The following TNRC6A variants were observed in gnomAD, a reference collection of about 807,000 sequenced individuals.
TNRC6A encodes trinucleotide repeat-containing gene 6A protein.
Under a neutral mutation model 221.2 loss-of-function variants are expected in TNRC6A, and 44 were observed. The observed-to-expected ratio is 0.20, with a 90% CI of 0.16 to 0.26. The LOEUF (loss-of-function observed/expected upper bound fraction) is 0.26, where lower values mean the gene tolerates loss of function less well. Among genes scored for constraint, TNRC6A ranks in the 10% least tolerant of loss-of-function variants. The pLI is 1.00. For synonymous variants in TNRC6A, 847 were observed against 838.5 expected, an observed-to-expected ratio of 1.01 and a Z score of -0.18; for missense variants, 2,199 against 2,404.4, an observed-to-expected ratio of 0.91 and a Z score of 1.79.
chr16:24,666,874 G>T (rs2055183377), intron 2 of TNRC6A, among the ~76,000 whole-genome samples: 1 of 151,538 alleles, frequency 6.6e-6, no homozygotes, highest in South Asian at 2.1e-4. Flanking sequence ...CCAGCATTTT[G>T]GGAGGCTGAG....
chr16:24,778,280 C>T (rs1425630141), intron 5 of TNRC6A: 22 of 984,940 alleles, frequency 2.2e-5, no homozygotes, highest in East Asian at 1.1e-4. Context: ...CTTTCTATAC[C>T]TGTGCTCTCT....
chr16:24,746,314 A>G (rs984492610), intron 2 of TNRC6A, among the ~76,000 whole-genome samples: 1 of 152,146 alleles, frequency 6.6e-6, no homozygotes, highest in Non-Finnish European at 1.5e-5. Context: ...TAATCCCAGT[A>G]CTTTGGTAGG....
chr16:24,805,814 T>C (rs2058419712), intron 15 of TNRC6A, 81 bp downstream of exon 15: 1 of 1,568,810 alleles, frequency 6.4e-7, no homozygotes, highest in Non-Finnish European at 8.7e-7. Flanking sequence ...GTGCGGGACA[T>C]AGTGCACTAA....
At chr16:24,719,700 G>A (rs2056376490) in intron 2 of TNRC6A, among the ~76,000 whole-genome samples, 1 of 151,908 alleles carries the variant, frequency 6.6e-6, no homozygotes, top group Admixed American at 6.6e-5. Flanking sequence ...AATTAGTTGA[G>A]TGTGGTAGTG....
At chr16:24,632,456 C>T (rs930063692) in intron 1 of TNRC6A, among the ~76,000 whole-genome samples, 7 of 152,158 alleles carry the variant, frequency 4.6e-5, no homozygotes, top group Non-Finnish European at 1.0e-4. Context: ...TAGTCAAGTT[C>T]CTCTGGCCCT....
chr16:24,637,518 A>G (rs575451923), intron 1 of TNRC6A, among the ~76,000 whole-genome samples: 3 of 152,190 alleles, frequency 2.0e-5, no homozygotes, highest in Non-Finnish European at 4.4e-5. Flanking sequence ...AATGTACAAT[A>G]TATTAGATGG....
chr16:24,613,610 C>G lies in TNRC6A; in HGVS notation n.276+3126C>G, dbSNP rs1034321905. Reference sequence around the variant, plus strand: ...TTGTTCGATCTCGGGTCACTGCAACCTCCGCCTCCCAGGTTCAAGCAATTC... The same window carrying G: ...TTGTTCGATCTCGGGTCACTGCAACGTCCGCCTCCCAGGTTCAAGCAATTC... On this transcript the variant is annotated intron_variant and non_coding_transcript_variant, in intron 1 of 2. Coordinates refer to the TNRC6A transcript ENST00000566108. 6.6e-5 allele frequency among the ~76,000 whole-genome samples: 10 copies of G among 151,774 alleles called. 1 individual carries two copies. Among genetic ancestry groups the G allele is most frequent in the Admixed American group, 6.6e-4 (10 of 15,206 alleles).
At chr16:24,819,214 G>T (rs2058715639) in intron 21 of TNRC6A, among the ~76,000 whole-genome samples, 1 of 152,230 alleles carries the variant, frequency 6.6e-6, no homozygotes. Flanking sequence ...CATACCCTGA[G>T]TAGCACTGAC....
At chr16:24,687,857 A>AAGAAGAAGAAGAAGAAGAAGAAGAAGG (rs1567357040) in intron 2 of TNRC6A, among the ~76,000 whole-genome samples, 2 of 150,198 alleles carry the variant, frequency 1.3e-5, no homozygotes, top group African/African-American at 4.9e-5. Flanking sequence ...GAAGAAGAAG[A>AAGAAGAAGAAGAAGAAGAAGAAGAAGG]AGAAGAAGAA....
chr16:24,740,623 A>AT (rs957055387), intron 2 of TNRC6A, among the ~76,000 whole-genome samples: 1 of 151,964 alleles, frequency 6.6e-6, no homozygotes, highest in African/African-American at 2.4e-5. Context: ...AATACAGTAG[A>AT]TTTTTTTTAA....
At chr16:24,670,938 A>G in intron 2 of TNRC6A, 1 of 380,912 alleles carries the variant, frequency 2.6e-6, no homozygotes, top group Non-Finnish European at 5.5e-6. Context: ...TGATGCTGAC[A>G]GGGGGTACCA....
intron 4 of TNRC6A, chr16:24,776,625 T>A (rs2057723119): frequency 6.1e-6 from 6 of 985,352 alleles, no homozygotes; most frequent in African/African-American, 1.7e-5. Flanking sequence ...CCTGGTTTTG[T>A]AATGATCCGA....
intron 2 of TNRC6A, among the ~76,000 whole-genome samples, chr16:24,715,097 C>T (rs976543318): frequency 3.3e-5 from 5 of 152,048 alleles, no homozygotes; most frequent in East Asian, 1.9e-4. Context: ...AGGATGGTCT[C>T]GATCTCCTGA....
At chr16:24,647,747 G>A (rs917166211) in intron 2 of TNRC6A, among the ~76,000 whole-genome samples, 2 of 152,170 alleles carry the variant, frequency 1.3e-5, no homozygotes, top group African/African-American at 4.8e-5. Context: ...GAGTAGCTGA[G>A]ATTACAGGCA....
chr16:24,679,148 G>A (rs937388729), intron 2 of TNRC6A, among the ~76,000 whole-genome samples: 6 of 151,846 alleles, frequency 4.0e-5, no homozygotes, highest in African/African-American at 7.2e-5. Context: ...ACAGGCAAGC[G>A]CCACCACGCC....
intron 2 of TNRC6A, among the ~76,000 whole-genome samples, chr16:24,671,878 C>T (rs927089745): frequency 6.6e-6 from 1 of 151,926 alleles, no homozygotes; most frequent in African/African-American, 2.4e-5. Context: ...GTGTCACTTA[C>T]AAAAGGGTAG....
intron 9 of TNRC6A, chr16:24,796,170 A>G (rs1415990104): frequency 4.3e-6 from 2 of 462,146 alleles, no homozygotes; most frequent in East Asian, 6.7e-5. Flanking sequence ...TTGGGATGGG[A>G]TGTGTTAAGG....
At position 24,791,153 on chromosome 16, in the gene TNRC6A, G is replaced by C. The variant is rs994286584; in HGVS notation, c.2511G>C (p.Gln837His). The change falls in exon 6 of 25, where the codon CAG (glutamine) becomes CAC (histidine). Residue 837 changes from glutamine (Q) to histidine (H), a missense_variant. Coordinates refer to ENST00000395799, the MANE Select transcript of TNRC6A (RefSeq NM_014494.4). ...AAWNDSQKNK[Q>H]GWGDGQKSSQ... ...GGAATGACTCGCAAAAGAATAAACA[G>C]GGATGGGGTGATGGACAAAAATCAA... The C allele has an allele frequency of 5.0e-6, 8 of 1,614,014 alleles. No homozygotes were observed. The highest frequency in any genetic ancestry group is 5.9e-6 in the Non-Finnish European group (7 of 1,180,036).
At chr16:24,785,813 C>T (rs965807122) in intron 5 of TNRC6A, among the ~76,000 whole-genome samples, 6 of 152,212 alleles carry the variant, frequency 3.9e-5, no homozygotes, top group Admixed American at 1.3e-4. Context: ...ACTTAACGCA[C>T]GCAAATAGTG....
Sources: gnomAD v4.1 joint callset for allele counts (sites outside exome capture counted in the v4.1 genomes callset) on GRCh38, gnomAD v4.1.1 for gene constraint, MANE v1.5 for transcripts, NCBI Gene and HGNC (gene_info 2026-07-23, HGNC 2026-07-21) for gene names.